DNMT3B: variants seen among roughly 807,000 people sequenced by gnomAD.
DNMT3B encodes the protein DNA (cytosine-5)-methyltransferase 3B.
In DNMT3B, 37 loss-of-function variants were observed where a neutral mutation model predicts 120.2. The observed-to-expected ratio is 0.31, with a 90% CI of 0.24 to 0.40. The LOEUF is 0.40. Ranked by LOEUF, DNMT3B falls within the 10% of genes least tolerant of loss-of-function variation. DNMT3B has a pLI of 1.00. For missense variants in DNMT3B, 878 were observed against 1,137.3 expected, an observed-to-expected ratio of 0.77 and a Z score of 3.28; for synonymous variants, 412 against 442.8, an observed-to-expected ratio of 0.93 and a Z score of 0.87.
chr20:32,769,964 A>T (rs1226061507), intron 1 of DNMT3B, among the ~76,000 whole-genome samples: 1 of 152,044 alleles, frequency 6.6e-6, no homozygotes, highest in Non-Finnish European at 1.5e-5. Flanking sequence ...TTTTTAAAAA[A>T]TTTTTTAAGA....
chr20:32,769,291 G>T (rs1855349), intron 1 of DNMT3B, among the ~76,000 whole-genome samples: 79,698 of 151,816 alleles, frequency 0.52, 22,957 homozygotes, highest in East Asian at 0.92. Flanking sequence ...GTTTCACCAT[G>T]TTCGCCAGGA....
intron 16 of DNMT3B, 71 bp from the exon 17 acceptor site, chr20:32,800,082 A>C: frequency 6.3e-7 from 1 of 1,599,186 alleles, no homozygotes; most frequent in East Asian, 2.2e-5. Flanking sequence ...TTACCATAGC[A>C]GGGAGTGGAG....
At chr20:32,800,670 G>T (rs1028959035) in intron 17 of DNMT3B, among the ~76,000 whole-genome samples, 165 bp from the exon 18 acceptor site, 1 of 152,120 alleles carries the variant, frequency 6.6e-6, no homozygotes, top group African/African-American at 2.4e-5. Flanking sequence ...TGTTGGCCAA[G>T]CTGGTCTCGA....
intron 20 of DNMT3B, among the ~76,000 whole-genome samples, chr20:32,802,735 C>T (rs767255030): frequency 2.0e-5 from 3 of 152,196 alleles, no homozygotes; most frequent in Non-Finnish European, 4.4e-5. Flanking sequence ...TGTGGTGGCT[C>T]ACGCCTGTAA....
At chr20:32,787,843 G>A (rs888370266) in intron 6 of DNMT3B, among the ~76,000 whole-genome samples, 3 of 152,110 alleles carry the variant, frequency 2.0e-5, no homozygotes, top group Admixed American at 1.3e-4. Context: ...GAGAGTCAGC[G>A]AAGGGAGATA....
chr20:32,776,658 T>G (rs1476552237), intron 1 of DNMT3B, among the ~76,000 whole-genome samples: 1 of 152,166 alleles, frequency 6.6e-6, no homozygotes, highest in African/African-American at 2.4e-5. Flanking sequence ...TTACCACATT[T>G]AAAGGTTAAA....
intron 20 of DNMT3B, among the ~76,000 whole-genome samples, 197 bp from the exon 21 acceptor site, chr20:32,805,141 G>T (rs1424533212): frequency 1.3e-5 from 2 of 152,148 alleles, no homozygotes; most frequent in Non-Finnish European, 1.5e-5. Flanking sequence ...CCTCCTGGAT[G>T]CTGGGCTGTC....
chr20:32,794,843 A>C lies in DNMT3B; in HGVS notation c.1127-566A>C, dbSNP rs1054590327. 7.2e-5 allele frequency among the ~76,000 whole-genome samples: 11 copies of C among 152,330 alleles called. No homozygotes were observed. The East Asian group carries it at 2.1e-3, about 29-fold the overall frequency. On this transcript the variant is annotated intron_variant, in intron 10 of 22. Coordinates refer to ENST00000328111, the MANE Select transcript of DNMT3B (RefSeq NM_006892.4). ...ATCTCAATTTTGATGCTAAATTTGC[A>C]ATGAAAATACTTGATCTGTATTAAC...
At chr20:32,770,701 C>T (rs1267506713) in intron 1 of DNMT3B, among the ~76,000 whole-genome samples, 1 of 151,934 alleles carries the variant, frequency 6.6e-6, no homozygotes, top group Admixed American at 6.6e-5. Flanking sequence ...CAACCTCCGC[C>T]TCCCGGGTTC....
chr20:32,781,958 G>C (rs377744356), intron 3 of DNMT3B, among the ~76,000 whole-genome samples: 1 of 152,182 alleles, frequency 6.6e-6, no homozygotes, highest in Admixed American at 6.5e-5. Flanking sequence ...GAGTGATGAC[G>C]CTGGCAATTC....
chr20:32,766,198 G>A (rs1255615283), intron 1 of DNMT3B, among the ~76,000 whole-genome samples: 3 of 152,082 alleles, frequency 2.0e-5, no homozygotes, highest in African/African-American at 2.4e-5. Context: ...ACAAAAAGTA[G>A]CCAGGCGTGT....
chr20:32,766,037 G>C (rs1019545634), intron 1 of DNMT3B, among the ~76,000 whole-genome samples: 2 of 152,086 alleles, frequency 1.3e-5, no homozygotes, highest in Non-Finnish European at 2.9e-5. Flanking sequence ...GATTACAGGC[G>C]TGAGCCACTG....
chr20:32,803,908 T>C (rs1425272386), intron 20 of DNMT3B, among the ~76,000 whole-genome samples: 2 of 152,134 alleles, frequency 1.3e-5, no homozygotes. Context: ...AGTTTCTGGG[T>C]GGATTATAGA....
At chr20:32,780,634 C>T (rs1053875662) in intron 2 of DNMT3B, among the ~76,000 whole-genome samples, 169 bp downstream of exon 2, 1 of 152,126 alleles carries the variant, frequency 6.6e-6, no homozygotes, top group Non-Finnish European at 1.5e-5. Context: ...TCACACCTGC[C>T]CGCAGCCCTT....
chr20:32,796,208 C>A (rs919222236), intron 12 of DNMT3B, among the ~76,000 whole-genome samples: 1 of 152,142 alleles, frequency 6.6e-6, no homozygotes, highest in Non-Finnish European at 1.5e-5. Context: ...CCAGAGAACC[C>A]GGGGAAGAGC....
At chr20:32,767,802 G>A (rs1568817981) in intron 1 of DNMT3B, among the ~76,000 whole-genome samples, 1 of 152,222 alleles carries the variant, frequency 6.6e-6, no homozygotes, top group East Asian at 1.9e-4. Flanking sequence ...AGAGCAGCAG[G>A]CTGAGGGAGG....
chr20:32,778,962 GGATGGA>G (rs1212182115), intron 1 of DNMT3B, among the ~76,000 whole-genome samples: 1 of 151,926 alleles, frequency 6.6e-6, no homozygotes, highest in East Asian at 1.9e-4. Flanking sequence ...ATGGATGGAT[GGATGGA>G]TGGATGGATG....
At chr20:32,799,976 C>T (rs1434339135) in intron 16 of DNMT3B, among the ~76,000 whole-genome samples, 177 bp from the exon 17 acceptor site, 1 of 152,238 alleles carries the variant, frequency 6.6e-6, no homozygotes, top group Admixed American at 6.5e-5. Flanking sequence ...CCCTTCTTTT[C>T]CTCCTATATG....
At chr20:32,786,080 C>T (rs1381105664) in intron 4 of DNMT3B, among the ~76,000 whole-genome samples, 1 of 152,138 alleles carries the variant, frequency 6.6e-6, no homozygotes, top group East Asian at 1.9e-4. Context: ...GATGGGGTTT[C>T]ACCATTTTAT....
Sources: allele counts gnomAD v4.1 joint callset (sites outside exome capture counted in the v4.1 genomes callset), GRCh38; gene constraint gnomAD v4.1.1; transcripts MANE v1.5; gene names NCBI Gene and HGNC (gene_info 2026-07-23, HGNC 2026-07-21).